SPIDR: variants seen among roughly 807,000 people sequenced by gnomAD.
The protein encoded by SPIDR is DNA repair-scaffolding protein.
Under a neutral mutation model 104.6 loss-of-function variants are expected in SPIDR, and 93 were observed. That is an observed-to-expected ratio of 0.89 (90% CI 0.75 to 1.06). The LOEUF (loss-of-function observed/expected upper bound fraction) is 1.06, where lower values mean the gene tolerates loss of function less well. SPIDR is among the 50% of genes least tolerant of loss of function. SPIDR has a pLI of 0.00. For synonymous variants in SPIDR, 431 were observed against 416.9 expected, an observed-to-expected ratio of 1.03 and a Z score of -0.41; for missense variants, 1,154 against 1,111.2, an observed-to-expected ratio of 1.04 and a Z score of -0.55.
At chr8:47,615,203 G>A (rs2064128172) in intron 10 of SPIDR, among the ~76,000 whole-genome samples, 2 of 152,044 alleles carry the variant, frequency 1.3e-5, no homozygotes, top group East Asian at 1.9e-4. Flanking sequence ...GATTGTAAGG[G>A]TGAGTCACTA....
chr8:47,383,193 CTG>C (rs1345460459), intron 5 of SPIDR, among the ~76,000 whole-genome samples: 3 of 152,216 alleles, frequency 2.0e-5, no homozygotes, highest in Admixed American at 6.5e-5. Flanking sequence ...GCCAGGTGCT[CTG>C]TGTCTTTGTG....
chr8:47,284,802 A>G (rs2038498721), intron 3 of SPIDR, among the ~76,000 whole-genome samples: 2 of 152,184 alleles, frequency 1.3e-5, no homozygotes, highest in Admixed American at 1.3e-4. Flanking sequence ...ACAAACGGTC[A>G]CCTCCACTAA....
chr8:47,454,173 C>T (rs896213377), intron 8 of SPIDR, among the ~76,000 whole-genome samples: 7 of 152,180 alleles, frequency 4.6e-5, no homozygotes, highest in Admixed American at 1.3e-4. Flanking sequence ...AAGACACATG[C>T]GCATGTACGT....
intron 5 of SPIDR, among the ~76,000 whole-genome samples, chr8:47,371,082 C>T (rs1261575722): frequency 6.7e-6 from 1 of 149,420 alleles, no homozygotes; most frequent in Non-Finnish European, 1.5e-5. Context: ...TTACAAGCAG[C>T]AGTGGGACTG....
intron 11 of SPIDR, among the ~76,000 whole-genome samples, chr8:47,676,134 C>A (rs2076417017): frequency 6.6e-6 from 1 of 152,238 alleles, no homozygotes. Flanking sequence ...TCTTTATAGC[C>A]ATACATGTAC....
intron 10 of SPIDR, among the ~76,000 whole-genome samples, chr8:47,611,035 G>T (rs533428438): frequency 6.6e-6 from 1 of 152,322 alleles, no homozygotes; most frequent in African/African-American, 2.4e-5. Flanking sequence ...CATGAATGCA[G>T]TAGACACCCA....
intron 8 of SPIDR, among the ~76,000 whole-genome samples, chr8:47,488,626 A>G (rs1031412987): frequency 3.9e-5 from 6 of 152,238 alleles, no homozygotes; most frequent in African/African-American, 1.4e-4. Context: ...AACCGAATGC[A>G]GCAGCCCATC....
chr8:47,608,825 G>A (rs934830697), intron 10 of SPIDR, among the ~76,000 whole-genome samples: 8 of 152,236 alleles, frequency 5.3e-5, no homozygotes, highest in African/African-American at 1.9e-4. Flanking sequence ...CTGGTTCCAG[G>A]CGATTCTTCT....
intron 8 of SPIDR, among the ~76,000 whole-genome samples, chr8:47,456,560 C>A (rs958718253): frequency 1.3e-5 from 2 of 152,056 alleles, no homozygotes; most frequent in African/African-American, 2.4e-5. Flanking sequence ...GGAAATTAAA[C>A]AACACAGCCT....
At chr8:47,572,892 A>G (rs768692215) in intron 8 of SPIDR, among the ~76,000 whole-genome samples, 2 of 152,130 alleles carry the variant, frequency 1.3e-5, no homozygotes, top group African/African-American at 2.4e-5. Flanking sequence ...CCTGTCCCCA[A>G]GGAAGCTCCC....
intron 7 of SPIDR, among the ~76,000 whole-genome samples, chr8:47,408,880 A>G (rs2063114983): frequency 6.6e-6 from 1 of 152,202 alleles, no homozygotes; most frequent in Non-Finnish European, 1.5e-5. Flanking sequence ...CTCATTTACA[A>G]TAACATCAAA....
chr8:47,379,145 A>G (rs2059026895), intron 5 of SPIDR, among the ~76,000 whole-genome samples: 1 of 152,190 alleles, frequency 6.6e-6, no homozygotes, highest in African/African-American at 2.4e-5. Flanking sequence ...GAGGGAAGGA[A>G]GCCCAGCCGG....
At chr8:47,529,736 T>TA (rs1334038843) in intron 8 of SPIDR, among the ~76,000 whole-genome samples, 3 of 152,058 alleles carry the variant, frequency 2.0e-5, no homozygotes, top group Non-Finnish European at 4.4e-5. Flanking sequence ...AAATAATAGC[T>TA]AAAATGTATT....
intron 5 of SPIDR, among the ~76,000 whole-genome samples, chr8:47,395,174 C>T (rs1321424464): frequency 7.2e-5 from 11 of 151,920 alleles, no homozygotes; most frequent in Non-Finnish European, 1.5e-4. Flanking sequence ...CATGGTGAAA[C>T]CCCGTCTCTA....
At chr8:47,645,217 G>C (rs2070087009) in intron 10 of SPIDR, among the ~76,000 whole-genome samples, 1 of 152,216 alleles carries the variant, frequency 6.6e-6, no homozygotes, top group Non-Finnish European at 1.5e-5. Context: ...CAAAAATCCA[G>C]CCAGGTCAGA....
chr8:47,403,185 G>A (rs1162948866), intron 6 of SPIDR, among the ~76,000 whole-genome samples: 1 of 152,092 alleles, frequency 6.6e-6, no homozygotes, highest in Non-Finnish European at 1.5e-5. Flanking sequence ...CAATAAATTA[G>A]GTATATATCG....
chr8:47,281,537 G>A lies in SPIDR; in HGVS notation c.189+1520G>A, dbSNP rs375554228. On this transcript the variant is annotated intron_variant, in intron 2 of 19. Coordinates refer to ENST00000297423, the MANE Select transcript of SPIDR (RefSeq NM_001080394.4). ...AATGTTCACAGCATTTTCACCAGGA[G>A]TAGATTTTATCTCCAGAAACTACTT... Among the ~76,000 whole-genome samples, 18 of 152,306 alleles carry A rather than the reference G, an allele frequency of 1.2e-4. No individual in the cohort carries two copies. In the East Asian group the frequency reaches 1.9e-3, roughly 16 times the overall value.
intron 5 of SPIDR, among the ~76,000 whole-genome samples, chr8:47,329,236 G>C (rs1392718455): frequency 6.6e-6 from 1 of 151,748 alleles, no homozygotes; most frequent in African/African-American, 2.4e-5. Context: ...ACGCCCGGCT[G>C]ATTTTTTTGT....
intron 10 of SPIDR, among the ~76,000 whole-genome samples, chr8:47,602,423 G>C (rs1464930145): frequency 6.6e-6 from 1 of 152,148 alleles, no homozygotes; most frequent in Non-Finnish European, 1.5e-5. Context: ...AACTATCCGT[G>C]AACTTAAAGA....
Sources: gnomAD v4.1 joint callset for allele counts (sites outside exome capture counted in the v4.1 genomes callset) on GRCh38, gnomAD v4.1.1 for gene constraint, MANE v1.5 for transcripts, NCBI Gene and HGNC (gene_info 2026-07-23, HGNC 2026-07-21) for gene names.